Variants in CNOT6L observed in about 807,000 individuals in gnomAD.
The protein encoded by CNOT6L is CCR4-NOT transcription complex subunit 6 like.
CNOT6L carries 7 observed loss-of-function variants against 64.0 expected under a neutral mutation model. The observed-to-expected ratio is 0.11, with a 90% CI of 0.06 to 0.21. The LOEUF is 0.21. Ranked by LOEUF, CNOT6L falls within the 10% of genes least tolerant of loss-of-function variation. The pLI is 1.00. For synonymous variants in CNOT6L, 193 were observed against 243.4 expected, an observed-to-expected ratio of 0.79 and a Z score of 1.93; for missense variants, 245 against 669.0, an observed-to-expected ratio of 0.37 and a Z score of 6.99.
chr4:77,788,732 A>G (rs1729749130), intron 1 of CNOT6L, among the ~76,000 whole-genome samples: 2 of 152,066 alleles, frequency 1.3e-5, no homozygotes, highest in African/African-American at 4.8e-5. Context: ...TGTCTCAAAA[A>G]AGTAATAATA....
chr4:77,745,615 A>G (rs1577940697), intron 6 of CNOT6L, among the ~76,000 whole-genome samples: 1 of 152,218 alleles, frequency 6.6e-6, no homozygotes, highest in East Asian at 1.9e-4. Context: ...CTTGCATGTT[A>G]AAGTCTGAAA....
At chr4:77,768,474 A>AATATATATATATATATATATATATAT (rs1193284066) in intron 4 of CNOT6L, among the ~76,000 whole-genome samples, 2 of 13,112 alleles carry the variant, frequency 1.5e-4, no homozygotes, top group Non-Finnish European at 4.8e-4. Context: ...AAAATAAATA[A>AATATATATATATATATATATATATAT]ATATATATAT....
At chr4:77,813,148 A>G (rs773587675) in intron 1 of CNOT6L, among the ~76,000 whole-genome samples, 1 of 152,204 alleles carries the variant, frequency 6.6e-6, no homozygotes, top group Non-Finnish European at 1.5e-5. Flanking sequence ...ACCCACAGGC[A>G]AAGAGATATT....
chr4:77,779,192 A>G (rs888355847), intron 1 of CNOT6L, among the ~76,000 whole-genome samples: 6 of 151,604 alleles, frequency 4.0e-5, no homozygotes, highest in Admixed American at 6.6e-5. Flanking sequence ...TATTCTTTTT[A>G]TATCTCCATA....
chr4:77,737,910 A>T (rs1446782683), intron 8 of CNOT6L, among the ~76,000 whole-genome samples: 1 of 152,214 alleles, frequency 6.6e-6, no homozygotes, highest in African/African-American at 2.4e-5. Flanking sequence ...TTCAAAAAAA[A>T]TCCTACGTAC....
At chr4:77,738,966 GA>G (rs1723282683) in intron 8 of CNOT6L, among the ~76,000 whole-genome samples, 1 of 152,068 alleles carries the variant, frequency 6.6e-6, no homozygotes, top group Admixed American at 6.6e-5. Flanking sequence ...CCCAAAAAAT[GA>G]TGTTCATAAT....
intron 5 of CNOT6L, among the ~76,000 whole-genome samples, chr4:77,750,316 C>G (rs1363551985): frequency 6.6e-6 from 1 of 151,862 alleles, no homozygotes; most frequent in East Asian, 1.9e-4. Context: ...ACTTTTTTTA[C>G]AAAAGGATAA....
intron 9 of CNOT6L, among the ~76,000 whole-genome samples, chr4:77,729,774 T>C (rs1560574714): frequency 6.6e-6 from 1 of 152,078 alleles, no homozygotes; most frequent in Non-Finnish European, 1.5e-5. Flanking sequence ...TATAATTCTA[T>C]GTTTTTTAAT....
At chr4:77,818,516 C>G (rs1282167087) in intron 1 of CNOT6L, among the ~76,000 whole-genome samples, 1 of 152,212 alleles carries the variant, frequency 6.6e-6, no homozygotes, top group African/African-American at 2.4e-5. Context: ...CTCAGTCCCT[C>G]CACACAGCCT....
chr4:77,718,569 T>TATA lies in CNOT6L; in HGVS notation c.*1859_*1861dup, dbSNP rs1398188681. 2 of 152,508 alleles carry TATA rather than the reference T, an allele frequency of 1.3e-5. No individual in the cohort carries two copies. Among genetic ancestry groups the TATA allele is most frequent in the African/African-American group, 4.8e-5 (2 of 41,416 alleles). The allele number at this position is 152,508 out of a possible 1,614,324, so 9.4% of individuals were successfully genotyped here. On this transcript the variant is annotated 3_prime_UTR_variant, in exon 12 of 12. Coordinates refer to ENST00000504123, the MANE Select transcript of CNOT6L (RefSeq NM_144571.3). ...CACTGAACTACAATGACATTCCAAT[T>TATA]ATAATAGATGACAAACAACGCCTCT... is the stretch of plus-strand genomic sequence containing the variant.
At position 77,719,158 on chromosome 4, in the gene CNOT6L, C is replaced by A. The variant is rs1228885200; in HGVS notation, c.*1273G>T. 3.9e-5 allele frequency: 6 copies of A among 152,608 alleles called. No individual in the cohort carries two copies. Among genetic ancestry groups the A allele is most frequent in the Non-Finnish European group, 7.3e-5 (5 of 68,040 alleles). 9.5% of individuals were successfully genotyped at this position (152,608 alleles called of 1,614,324 possible). On this transcript the variant is annotated 3_prime_UTR_variant, in exon 12 of 12. Coordinates refer to ENST00000504123, the MANE Select transcript of CNOT6L (RefSeq NM_144571.3). ...TCCCCAGAAAACAGTATTCTGTTCA[C>A]TGCCTCTTGAGTCACAGATTTTCAA... is the stretch of plus-strand genomic sequence containing the variant.
intron 1 of CNOT6L, among the ~76,000 whole-genome samples, chr4:77,810,844 C>T (rs1317666125): frequency 6.6e-6 from 1 of 152,136 alleles, no homozygotes; most frequent in Non-Finnish European, 1.5e-5. Context: ...CTTTTTACTT[C>T]TAAGAGATCG....
At chr4:77,789,898 C>T (rs1177897970) in intron 1 of CNOT6L, among the ~76,000 whole-genome samples, 1 of 134,262 alleles carries the variant, frequency 7.4e-6, no homozygotes. Context: ...CTGCAGTGAC[C>T]GGTGATTGTG....
intron 1 of CNOT6L, among the ~76,000 whole-genome samples, chr4:77,790,815 AT>A (rs35909833): frequency 0.26 from 33,085 of 128,510 alleles, 4,124 homozygotes; most frequent in East Asian, 0.47. Flanking sequence ...CGCCTGGCTG[AT>A]TTTTTTTTTT....
At chr4:77,748,289 A>C (rs1724432934) in intron 6 of CNOT6L, 27 bp downstream of exon 6, 1 of 1,457,020 alleles carries the variant, frequency 6.9e-7, no homozygotes, top group East Asian at 2.3e-5. Flanking sequence ...TTCTGAAAAA[A>C]AAGGAAGAAT....
intron 1 of CNOT6L, among the ~76,000 whole-genome samples, chr4:77,797,317 G>C (rs1156364544): frequency 6.6e-6 from 1 of 151,682 alleles, no homozygotes; most frequent in Non-Finnish European, 1.5e-5. Flanking sequence ...TAGCCAACAG[G>C]GTCAAAAGAT....
chr4:77,807,668 T>C (rs1050564419), intron 1 of CNOT6L, among the ~76,000 whole-genome samples: 3 of 152,104 alleles, frequency 2.0e-5, no homozygotes. Context: ...AGGGAATATG[T>C]GAGAGAGAGT....
intron 1 of CNOT6L, among the ~76,000 whole-genome samples, chr4:77,816,356 ATTTC>A (rs1733576168): frequency 6.6e-6 from 1 of 152,164 alleles, no homozygotes; most frequent in Admixed American, 6.5e-5. Flanking sequence ...ATTCATTTCT[ATTTC>A]TTTGTTTCTA....
At chr4:77,794,332 C>A (rs1039564338) in intron 1 of CNOT6L, among the ~76,000 whole-genome samples, 8 of 151,666 alleles carry the variant, frequency 5.3e-5, no homozygotes, top group African/African-American at 1.9e-4. Flanking sequence ...AACAAGAGTG[C>A]AAGAAAACTA....
Sources: allele counts gnomAD v4.1 joint callset (sites outside exome capture counted in the v4.1 genomes callset), GRCh38; gene constraint gnomAD v4.1.1; transcripts MANE v1.5; gene names NCBI Gene and HGNC (gene_info 2026-07-23, HGNC 2026-07-21).